Variants in TOPBP1 observed in about 807,000 individuals in gnomAD.
TOPBP1 encodes DNA topoisomerase II binding protein 1, also known as DNA topoisomerase 2-binding protein 1.
Under a neutral mutation model 167.7 loss-of-function variants are expected in TOPBP1, and 28 were observed. The observed-to-expected ratio is 0.17, with a 90% CI of 0.12 to 0.23. The LOEUF is 0.23. Among genes scored for constraint, TOPBP1 ranks in the 10% least tolerant of loss-of-function variants. The pLI is 1.00. For missense variants in TOPBP1, 1,554 were observed against 1,809.6 expected, an observed-to-expected ratio of 0.86 and a Z score of 2.56; for synonymous variants, 598 against 611.4, an observed-to-expected ratio of 0.98 and a Z score of 0.32.
In TOPBP1 at chr3:133,614,079, C is replaced by T. The variant is rs535472169; in HGVS notation, c.3872-1527G>A. 3.9e-3 allele frequency among the ~76,000 whole-genome samples: 597 copies of T among 152,236 alleles called. 3 individuals carry two copies. Among genetic ancestry groups the T allele is most frequent in the Non-Finnish European group, 7.1e-3 (480 of 68,012 alleles). On this transcript the variant is annotated intron_variant, in intron 23 of 27. Coordinates refer to ENST00000260810, the MANE Select transcript of TOPBP1 (RefSeq NM_007027.4). Reference sequence around the variant, plus strand: ...GTTCTGGGATTACAGGTGTGAGCCACCACACCCGGTCATATCAAGGACTTT... The same window carrying T: ...GTTCTGGGATTACAGGTGTGAGCCATCACACCCGGTCATATCAAGGACTTT...
At chr3:133,612,652 G>T in intron 23 of TOPBP1, 100 bp from the exon 24 acceptor site, 1 of 1,177,544 alleles carries the variant, frequency 8.5e-7, no homozygotes, top group Non-Finnish European at 1.1e-6. Context: ...TAAATAAAAT[G>T]CCCCAAACCA....
At chr3:133,610,760 G>C (rs1257326947) in intron 25 of TOPBP1, among the ~76,000 whole-genome samples, 20 of 151,928 alleles carry the variant, frequency 1.3e-4, no homozygotes, top group Non-Finnish European at 1.5e-5. Flanking sequence ...AAATTCCTTT[G>C]AGAAGGTCTG....
At position 133,608,929 on chromosome 3, in the gene TOPBP1, C is replaced by T. The variant is rs1294457011; in HGVS notation, c.4207G>A (p.Val1403Met). 2 of 1,613,366 alleles carry T rather than the reference C, an allele frequency of 1.2e-6. No individual in the cohort carries two copies. The highest frequency in any genetic ancestry group is 1.3e-5 in the African/African-American group (1 of 75,012). The change falls in exon 26 of 28, where the codon GTG becomes ATG. Residue 1403 changes from valine (V) to methionine (M), a missense_variant. Coordinates refer to ENST00000260810, the MANE Select transcript of TOPBP1 (RefSeq NM_007027.4). The stretch of plus-strand genomic sequence containing the variant: ...AAGCCTGCTTCTCGAGACTGATCCA[C>T]ATGTAAAATAACCTTCCACCCACTA... Reference protein sequence around the residue: ...AFSGWKVILHVDQSREAGFKR... With the variant: ...AFSGWKVILHMDQSREAGFKR...
rs753491645 is a variant in TOPBP1 at position 133,652,675 on chromosome 3, A to T, written c.923-46T>A. 18 of 1,455,310 alleles carry T rather than the reference A, an allele frequency of 1.2e-5. 1 individual carries two copies. The highest frequency in any genetic ancestry group is 2.5e-4 in the Middle Eastern group (1 of 3,996). The allele number at this position is 1,455,310 out of a possible 1,614,324, so 90.1% of individuals were successfully genotyped here. A position where few individuals can be genotyped will look rare whatever the true frequency, so the allele number is the denominator to read the frequency against. On this transcript the variant is annotated intron_variant, in intron 7 of 27. Coordinates refer to ENST00000260810, the MANE Select transcript of TOPBP1 (RefSeq NM_007027.4). ...TAAATTTATGGGAGATAAAATAATC[A>T]TGATTACATATTGTCTATGGATTAA... is the stretch of plus-strand genomic sequence containing the variant.
chr3:133,627,648 A>T (rs1375404974), intron 16 of TOPBP1, among the ~76,000 whole-genome samples: 2 of 152,236 alleles, frequency 1.3e-5, no homozygotes, highest in African/African-American at 4.8e-5. Flanking sequence ...GCAATGGTTC[A>T]TCATTTGTTA....
chr3:133,658,444 G>A (rs1016295824), intron 3 of TOPBP1, among the ~76,000 whole-genome samples: 1 of 151,838 alleles, frequency 6.6e-6, no homozygotes, highest in Non-Finnish European at 1.5e-5. Flanking sequence ...TCCAGCCTGG[G>A]CGACAGAGTG....
Position 133,615,627 on chromosome 3 carries a change from C to T in TOPBP1, c.3871+1187G>A, listed in dbSNP as rs1263807443. 2.0e-5 allele frequency among the ~76,000 whole-genome samples: 3 copies of T among 152,080 alleles called. No homozygotes were observed. In the East Asian group the frequency reaches 5.8e-4, roughly 29 times the overall value. On this transcript the variant is annotated intron_variant, in intron 23 of 27. Coordinates refer to ENST00000260810, the MANE Select transcript of TOPBP1 (RefSeq NM_007027.4). ...ACTAGACATCTGTGGCTATCAAACACCTGAAGCACAGTTAGTCCAAATTGA... is the reference window on the plus strand; with the variant it reads ...ACTAGACATCTGTGGCTATCAAACATCTGAAGCACAGTTAGTCCAAATTGA...
At chr3:133,633,205 T>C (rs1052206411) in intron 14 of TOPBP1, among the ~76,000 whole-genome samples, 13 of 152,226 alleles carry the variant, frequency 8.5e-5, no homozygotes, top group African/African-American at 2.7e-4. Context: ...TGTCTCCGAT[T>C]CTTCTCATTT....
intron 3 of TOPBP1, 108 bp downstream of exon 3, chr3:133,658,908 A>T: frequency 8.4e-7 from 1 of 1,190,520 alleles, no homozygotes; most frequent in Non-Finnish European, 1.1e-6. Context: ...ATTCCAATGT[A>T]CTCATAAGTT....
In TOPBP1 at chr3:133,649,441, C is replaced by A; in HGVS notation, c.1446G>T (p.Lys482Asn). ...FSKKDFAPSE[K>N]HEQADEDLLS... is the part of the protein sequence containing the mutation. The stretch of plus-strand genomic sequence containing the variant: ...GCAGATCTTCATCAGCTTGCTCATG[C>A]TTTTCACTAGGAGCAAAGTCTTTCT... Residue 482 changes from lysine to asparagine, a missense_variant, in exon 10 of 28, where the codon AAG becomes AAT. Lys to Asn is a moderately conservative substitution (Grantham distance 94). Coordinates refer to ENST00000260810, the MANE Select transcript of TOPBP1 (RefSeq NM_007027.4). 2 of 1,613,872 alleles carry A rather than the reference C, an allele frequency of 1.2e-6. No individual in the cohort carries two copies. The highest frequency in any genetic ancestry group is 8.5e-7 in the Non-Finnish European group (1 of 1,179,864).
At chr3:133,627,367 G>A (rs148496962) in intron 16 of TOPBP1, among the ~76,000 whole-genome samples, 2 of 152,160 alleles carry the variant, frequency 1.3e-5, no homozygotes, top group Non-Finnish European at 2.9e-5. Flanking sequence ...CTATGAGAAT[G>A]AAACGAGATA....
intron 1 of TOPBP1, 79 bp from the exon 2 acceptor site, chr3:133,661,213 T>G (rs1481978443): frequency 1.8e-6 from 2 of 1,089,502 alleles, no homozygotes; most frequent in East Asian, 5.7e-5. Flanking sequence ...CCTATTTTTC[T>G]GTGCAGACAA....
chr3:133,621,252 A>G (rs1935081020), intron 19 of TOPBP1, among the ~76,000 whole-genome samples: 1 of 152,016 alleles, frequency 6.6e-6, no homozygotes, highest in Non-Finnish European at 1.5e-5. Flanking sequence ...GCATCAAGCA[A>G]TCCTCTTGCC....
At chr3:133,604,561 A>G (rs1934427155) in intron 27 of TOPBP1, among the ~76,000 whole-genome samples, 2 of 151,968 alleles carry the variant, frequency 1.3e-5, no homozygotes, top group South Asian at 4.1e-4. Flanking sequence ...CTGACATAAA[A>G]TGAAACAGAA....
intron 7 of TOPBP1, 53 bp downstream of exon 7, chr3:133,653,292 C>A: frequency 6.9e-7 from 1 of 1,454,760 alleles, no homozygotes. Context: ...CTGATTATTA[C>A]ATAGAAATAT....
Position 133,644,227 on chromosome 3 carries a change from A to G in TOPBP1, c.1641T>C (p.Ile547=). 1 of 1,613,902 alleles carries G rather than the reference A, an allele frequency of 6.2e-7. No homozygotes were observed. The highest frequency in any genetic ancestry group is 8.5e-7 in the Non-Finnish European group (1 of 1,179,840). Residue 547 remains isoleucine, a synonymous_variant, in exon 11 of 28, where the codon ATT becomes ATC. Transcript: ENST00000260810. ...TTTGGCTAAATAAGCCTTCTTCAGT[A>G]ATTGTAGAAACATCAGGGACACAAT... ...VSHCVPDVST[I]TEEGLFSQKS...
intron 14 of TOPBP1, among the ~76,000 whole-genome samples, chr3:133,631,701 C>T (rs181930669): frequency 1.8e-4 from 27 of 152,190 alleles, no homozygotes; most frequent in African/African-American, 5.8e-4. Flanking sequence ...GGCTGTGGCG[C>T]GACCTTGGTG....
chr3:133,627,182 T>G (rs2107792700), intron 16 of TOPBP1, among the ~76,000 whole-genome samples: 1 of 152,374 alleles, frequency 6.6e-6, no homozygotes, highest in East Asian at 1.9e-4. Context: ...TTTAGGAATT[T>G]CAGTAATAAA....
intron 27 of TOPBP1, among the ~76,000 whole-genome samples, chr3:133,605,839 C>T (rs914346067): frequency 1.3e-5 from 2 of 152,084 alleles, no homozygotes; most frequent in African/African-American, 2.4e-5. Flanking sequence ...AAAATGATTG[C>T]TTATGTAGGA....
Sources: allele counts gnomAD v4.1 joint callset (sites outside exome capture counted in the v4.1 genomes callset), GRCh38; gene constraint gnomAD v4.1.1; transcripts MANE v1.5; gene names NCBI Gene and HGNC (gene_info 2026-07-23, HGNC 2026-07-21).